Variants in TP63 observed in about 807,000 individuals in gnomAD.
TP63 encodes the protein tumor protein 63.
In TP63, 17 loss-of-function variants were observed where a neutral mutation model predicts 82.8. The ratio of observed to expected loss-of-function variants is 0.21; its 90% confidence interval spans 0.14 to 0.31. The LOEUF (loss-of-function observed/expected upper bound fraction) is 0.31. TP63 is among the 10% of genes least tolerant of loss of function. The probability of loss-of-function intolerance (pLI) is 1.00; values close to 1 mark genes in which losing one functional copy is unlikely to be tolerated. For missense variants in TP63, 648 were observed against 895.3 expected, an observed-to-expected ratio of 0.72 and a Z score of 3.52; for synonymous variants, 330 against 321.7, an observed-to-expected ratio of 1.03 and a Z score of -0.28.
the TP63 span, among the ~76,000 whole-genome samples, chr3:189,602,838 C>G: frequency 6.6e-6 from 1 of 152,102 alleles, no homozygotes; most frequent in African/African-American, 2.4e-5. Flanking sequence ...AATAGAGGCA[C>G]AGGCATCACT....
At chr3:189,829,150 C>T (rs1445554824) in intron 4 of TP63, among the ~76,000 whole-genome samples, 4 of 152,136 alleles carry the variant, frequency 2.6e-5, no homozygotes, top group Non-Finnish European at 5.9e-5. Flanking sequence ...AAAATCTTGG[C>T]AGATACCATA....
chr3:189,870,209 C>T (rs796386102), intron 9 of TP63, among the ~76,000 whole-genome samples: 8 of 152,270 alleles, frequency 5.3e-5, no homozygotes, highest in African/African-American at 1.7e-4. Flanking sequence ...TTAGGCAGCA[C>T]TATAAAGAAA....
intron 1 of TP63, among the ~76,000 whole-genome samples, chr3:189,641,677 T>A (rs1409692990): frequency 6.6e-6 from 1 of 152,162 alleles, no homozygotes; most frequent in Non-Finnish European, 1.5e-5. Flanking sequence ...TTCCCTTATT[T>A]TTGAACATTT....
At position 189,738,739 on chromosome 3, in the gene TP63, C is replaced by T. The variant is rs121908848; in HGVS notation, c.289C>T (p.Arg97Cys). The change falls in exon 3 of 14, where the codon CGC becomes TGC. Residue 97 changes from arginine (R) to cysteine (C), a missense_variant. Physicochemically the swap from Arg to Cys is radical, Grantham distance 180. Transcript: ENST00000264731. ...NKIEISMDCI[R>C]MQDSDLSDPM... ...GATTGAGATTAGCATGGACTGTATCCGCATGCAGGACTCGGACCTGAGTGA... is the reference window on the plus strand; with the variant it reads ...GATTGAGATTAGCATGGACTGTATCTGCATGCAGGACTCGGACCTGAGTGA... The T allele has an allele frequency of 8.7e-6, 14 of 1,614,072 alleles. No individual in the cohort carries two copies. The highest frequency in any genetic ancestry group is 1.1e-5 in the South Asian group (1 of 91,078).
chr3:189,607,444 G>A, the TP63 span, among the ~76,000 whole-genome samples: 1 of 152,006 alleles, frequency 6.6e-6, no homozygotes, highest in Non-Finnish European at 1.5e-5. Flanking sequence ...ATAGAAAAAG[G>A]TTATTTGTGA....
At chr3:189,701,931 T>C (rs1257359641) in intron 1 of TP63, among the ~76,000 whole-genome samples, 1 of 152,200 alleles carries the variant, frequency 6.6e-6, no homozygotes, top group African/African-American at 2.4e-5. Context: ...TCCATGTAGG[T>C]GAACACCACA....
At chr3:189,737,917 A>G in intron 2 of TP63, 49 bp downstream of exon 2, 4 of 1,611,336 alleles carry the variant, frequency 2.5e-6, no homozygotes, top group South Asian at 1.1e-5. Flanking sequence ...AAATAGGTAA[A>G]TGTGGGTGGT....
At chr3:189,873,201 G>C in intron 10 of TP63, 1 of 681,866 alleles carries the variant, frequency 1.5e-6, no homozygotes, top group Non-Finnish European at 2.5e-6. Context: ...TTCCACTTAT[G>C]TTCTGAAATT....
intron 3 of TP63, among the ~76,000 whole-genome samples, chr3:189,744,272 A>G (rs1417820221): frequency 6.6e-6 from 1 of 152,158 alleles, no homozygotes; most frequent in African/African-American, 2.4e-5. Context: ...GCTGAGATGC[A>G]AGCAAAGAAC....
At chr3:189,734,319 C>T (rs1255799469) in intron 1 of TP63, among the ~76,000 whole-genome samples, 7 of 151,770 alleles carry the variant, frequency 4.6e-5, no homozygotes, top group African/African-American at 1.2e-4. Context: ...TTACAGGCAC[C>T]GGCCGCCAAG....
chr3:189,818,696 ATTAC>A (rs1728461212), intron 4 of TP63, among the ~76,000 whole-genome samples: 1 of 152,148 alleles, frequency 6.6e-6, no homozygotes, highest in East Asian at 1.9e-4. Flanking sequence ...TTTTAATGAT[ATTAC>A]TTAAGAATTT....
intron 1 of TP63, among the ~76,000 whole-genome samples, chr3:189,678,336 T>G (rs1250050662): frequency 6.6e-6 from 1 of 152,120 alleles, no homozygotes; most frequent in Non-Finnish European, 1.5e-5. Context: ...CAGCACCATT[T>G]ATTGAATAGG....
intron 4 of TP63, among the ~76,000 whole-genome samples, chr3:189,816,051 A>G (rs1247129180): frequency 6.6e-6 from 1 of 152,158 alleles, no homozygotes; most frequent in Non-Finnish European, 1.5e-5. Flanking sequence ...AGAATTATGG[A>G]ACTCTGTAAC....
chr3:189,875,637 T>TAA (rs1719118129), intron 10 of TP63, among the ~76,000 whole-genome samples: 16 of 128,820 alleles, frequency 1.2e-4, no homozygotes, highest in East Asian at 4.8e-4. Flanking sequence ...TATATATATA[T>TAA]AAACTATTCT....
At chr3:189,839,199 G>A (rs369181360) in intron 4 of TP63, among the ~76,000 whole-genome samples, 18 of 152,148 alleles carry the variant, frequency 1.2e-4, no homozygotes, top group African/African-American at 3.4e-4. Flanking sequence ...TCTGAAGAGA[G>A]AAGAATGAAG....
At chr3:189,645,917 A>T (rs555531477) in intron 1 of TP63, among the ~76,000 whole-genome samples, 2 of 147,340 alleles carry the variant, frequency 1.4e-5, no homozygotes, top group Admixed American at 6.7e-5. Flanking sequence ...ACATAAGCTG[A>T]TTCCATATTT....
the TP63 span, among the ~76,000 whole-genome samples, chr3:189,622,094 C>G: frequency 1.3e-5 from 2 of 152,230 alleles, no homozygotes; most frequent in Non-Finnish European, 2.9e-5. Flanking sequence ...CATCCACCCC[C>G]ACATGCTTAA....
chr3:189,713,061 CACAG>C (rs1370452912), intron 1 of TP63, among the ~76,000 whole-genome samples: 5 of 152,168 alleles, frequency 3.3e-5, no homozygotes, highest in East Asian at 1.9e-4. Flanking sequence ...ACCACCACAG[CACAG>C]ACAGAGAGGT....
chr3:189,860,967 C>T (rs371353089), intron 4 of TP63, among the ~76,000 whole-genome samples: 23 of 152,240 alleles, frequency 1.5e-4, no homozygotes, highest in African/African-American at 5.1e-4. Flanking sequence ...GAACATTGTA[C>T]CCAATAGGTA....
Sources: gnomAD v4.1 joint callset for allele counts (sites outside exome capture counted in the v4.1 genomes callset) on GRCh38, gnomAD v4.1.1 for gene constraint, MANE v1.5 for transcripts, NCBI Gene and HGNC (gene_info 2026-07-23, HGNC 2026-07-21) for gene names.